The following TLL2 variants were observed in gnomAD, a reference collection of about 807,000 sequenced individuals.
The protein encoded by TLL2 is tolloid like 2.
Under a neutral mutation model 123.0 loss-of-function variants are expected in TLL2, and 106 were observed. The ratio of observed to expected loss-of-function variants is 0.86; its 90% CI spans 0.74 to 1.01. TLL2 has a LOEUF of 1.01. TLL2 is among the 50% of genes least tolerant of loss of function. The pLI is 0.00. For missense variants in TLL2, 1,332 were observed against 1,336.7 expected, an observed-to-expected ratio of 1.00 and a Z score of 0.06; for synonymous variants, 494 against 516.8, an observed-to-expected ratio of 0.96 and a Z score of 0.60.
At chr10:96,438,425 G>C (rs1205790648) in intron 3 of TLL2, among the ~76,000 whole-genome samples, 2 of 152,180 alleles carry the variant, frequency 1.3e-5, no homozygotes, top group Non-Finnish European at 2.9e-5. Context: ...TTCATTGTTA[G>C]AATATAGAAA....
intron 2 of TLL2, among the ~76,000 whole-genome samples, chr10:96,472,494 G>A (rs760647817): frequency 1.3e-5 from 2 of 152,198 alleles, no homozygotes; most frequent in African/African-American, 4.8e-5. Flanking sequence ...GAGTGCAGTG[G>A]CTCGCACTTA....
In TLL2 at chr10:96,382,868, A is replaced by T. The variant is rs139629749; in HGVS notation, c.2194+1719T>A. 2.6e-5 allele frequency among the ~76,000 whole-genome samples: 4 copies of T among 152,344 alleles called. No individual in the cohort carries two copies. In the East Asian group the frequency reaches 5.8e-4, roughly 22 times the overall value. The stretch of plus-strand genomic sequence containing the variant: ...TGGACTAAGATAGAGGAATAAGACG[A>T]AGCCAGACAAAATGGACTAAGATAG... On this transcript the variant is annotated intron_variant, in intron 16 of 20. Coordinates refer to ENST00000357947, the MANE Select transcript of TLL2 (RefSeq NM_012465.4).
chr10:96,441,470 G>A (rs923267626), intron 3 of TLL2, among the ~76,000 whole-genome samples: 2 of 152,162 alleles, frequency 1.3e-5, no homozygotes, highest in Non-Finnish European at 1.5e-5. Flanking sequence ...GAATCAATTG[G>A]CCTTAGAGTG....
intron 2 of TLL2, among the ~76,000 whole-genome samples, chr10:96,459,610 C>T (rs1460278636): frequency 7.7e-6 from 1 of 129,706 alleles, no homozygotes; most frequent in Non-Finnish European, 1.6e-5. Context: ...GCGGAGGTTG[C>T]AGTCAACCAA....
At chr10:96,421,603 G>A (rs35120318) in intron 6 of TLL2, among the ~76,000 whole-genome samples, 49,446 of 150,634 alleles carry the variant, frequency 0.33, 8,139 homozygotes, top group Non-Finnish European at 0.36. Flanking sequence ...GACGGAGCTT[G>A]CAGTGAGCCA....
rs574224876 is a variant in TLL2, at chr10:96,443,647, A to G, written c.364+2444T>C. On this transcript the variant is annotated intron_variant, in intron 3 of 20. Coordinates refer to ENST00000357947, the MANE Select transcript of TLL2 (RefSeq NM_012465.4). ...GGGTGTGGTCTTTATGCAACAATAA[A>G]TCACATAAATAAGGAAGAAAAATGA... is the stretch of plus-strand genomic sequence containing the variant. Among the ~76,000 whole-genome samples the G allele has an allele frequency of 2.6e-5, 4 of 152,354 alleles. No homozygotes were observed. In the South Asian group the frequency reaches 8.3e-4, roughly 32 times the overall value.
intron 1 of TLL2, among the ~76,000 whole-genome samples, chr10:96,510,871 G>C (rs543115336): frequency 4.6e-5 from 7 of 152,330 alleles, no homozygotes; most frequent in Middle Eastern, 3.4e-3. Flanking sequence ...CCCAGGGCAA[G>C]ACGGTTGATG....
At chr10:96,439,812 G>A (rs1297828913) in intron 3 of TLL2, among the ~76,000 whole-genome samples, 1 of 152,130 alleles carries the variant, frequency 6.6e-6, no homozygotes, top group Non-Finnish European at 1.5e-5. Flanking sequence ...CACTTGCAGT[G>A]CTGGGATAAA....
rs1177301089 is a variant in TLL2 at position 96,507,140 on chromosome 10, A to AC, written c.175+6370dup. ...GGTCCCCCCTTTCCCAGACTCTGGC[A>AC]CCCCAGTGTGAGACCTGGCCACTAT... On this transcript the variant is annotated intron_variant, in intron 1 of 20. Coordinates refer to ENST00000357947, the MANE Select transcript of TLL2 (RefSeq NM_012465.4). Among the ~76,000 whole-genome samples the AC allele has an allele frequency of 2.6e-5, 4 of 151,748 alleles. No homozygotes were observed. The South Asian group carries it at 8.4e-4, about 32-fold the overall frequency.
intron 3 of TLL2, among the ~76,000 whole-genome samples, chr10:96,438,611 T>G (rs1387630040): frequency 6.6e-6 from 1 of 152,188 alleles, no homozygotes; most frequent in Non-Finnish European, 1.5e-5. Context: ...ACAGGGACAG[T>G]TTTATTTTTT....
chr10:96,409,382 G>C (rs1050098818), intron 9 of TLL2, among the ~76,000 whole-genome samples: 5 of 152,254 alleles, frequency 3.3e-5, no homozygotes. Context: ...GGGACACTGG[G>C]GGTATCCCCT....
Position 96,378,945 on chromosome 10 carries a change from A to G in TLL2, c.2320+22T>C, listed in dbSNP as rs371220770. 3.0e-5 allele frequency: 48 copies of G among 1,612,442 alleles called. No homozygotes were observed. The African/African-American group carries it at 5.7e-4, about 19-fold the overall frequency. Reference sequence around the variant, plus strand: ...CGGCGAAGGGCAGCCCGCCCCCCCAACAACTGGAGGTCCAGCCTCACCCTC... The same window carrying G: ...CGGCGAAGGGCAGCCCGCCCCCCCAGCAACTGGAGGTCCAGCCTCACCCTC... On this transcript the variant is annotated intron_variant, in intron 17 of 20. Coordinates refer to ENST00000357947, the MANE Select transcript of TLL2 (RefSeq NM_012465.4).
intron 3 of TLL2, among the ~76,000 whole-genome samples, chr10:96,441,398 A>G (rs546887405): frequency 6.6e-6 from 1 of 152,320 alleles, no homozygotes; most frequent in Non-Finnish European, 1.5e-5. Flanking sequence ...CTGGCTGCAC[A>G]TTAGATTCAA....
At chr10:96,500,597 C>A (rs1847524856) in intron 1 of TLL2, among the ~76,000 whole-genome samples, 1 of 152,148 alleles carries the variant, frequency 6.6e-6, no homozygotes, top group Non-Finnish European at 1.5e-5. Context: ...AGCTCGGGAC[C>A]AGCCTAGGCA....
At chr10:96,510,486 C>T (rs758686818) in intron 1 of TLL2, among the ~76,000 whole-genome samples, 7 of 152,194 alleles carry the variant, frequency 4.6e-5, no homozygotes, top group Non-Finnish European at 8.8e-5. Context: ...TTAAAACCTG[C>T]TTTAAGGTCA....
intron 1 of TLL2, among the ~76,000 whole-genome samples, chr10:96,494,785 CAG>C (rs1847454246): frequency 1.3e-5 from 2 of 152,308 alleles, no homozygotes; most frequent in East Asian, 3.9e-4. Context: ...TGAACCAGCT[CAG>C]TGTTTCTGGA....
At chr10:96,454,212 G>C (rs991745191) in intron 2 of TLL2, among the ~76,000 whole-genome samples, 2 of 152,162 alleles carry the variant, frequency 1.3e-5, no homozygotes, top group Non-Finnish European at 2.9e-5. Flanking sequence ...AAGCTTTTGA[G>C]GGGGAATGAG....
At chr10:96,503,563 C>T (rs1460349578) in intron 1 of TLL2, among the ~76,000 whole-genome samples, 1 of 152,176 alleles carries the variant, frequency 6.6e-6, no homozygotes, top group Non-Finnish European at 1.5e-5. Flanking sequence ...ATCAGCCAAG[C>T]CTCCTTGGGA....
At chr10:96,428,844 GC>G in intron 4 of TLL2, 96 bp from the exon 5 acceptor site, 1 of 808,006 alleles carries the variant, frequency 1.2e-6, no homozygotes, top group Non-Finnish European at 2.0e-6. Flanking sequence ...TGCCTTTGTT[GC>G]CCAGGCTGGA....
Sources: allele counts gnomAD v4.1 joint callset (sites outside exome capture counted in the v4.1 genomes callset), GRCh38; gene constraint gnomAD v4.1.1; transcripts MANE v1.5; gene names NCBI Gene and HGNC (gene_info 2026-07-23, HGNC 2026-07-21).